PTPRT: variants seen among roughly 807,000 people sequenced by gnomAD.
The protein encoded by PTPRT is protein tyrosine phosphatase receptor type T, also known as receptor-type tyrosine-protein phosphatase T.
In PTPRT, 56 loss-of-function variants were observed where a neutral mutation model predicts 176.8. The ratio of observed to expected loss-of-function variants is 0.32; its 90% CI spans 0.26 to 0.40. The LOEUF (loss-of-function observed/expected upper bound fraction) is 0.40. PTPRT is among the 10% of genes least tolerant of loss of function. PTPRT has a pLI of 1.00. For missense variants in PTPRT, 1,540 were observed against 1,908.2 expected (o/e 0.81, Z 3.60); for synonymous variants, 783 against 739.0 (o/e 1.06, Z -0.96).
downstream of PTPRT, among the ~76,000 whole-genome samples, chr20:42,069,454 C>G (rs978825740): frequency 1.3e-5 from 2 of 152,122 alleles, no homozygotes; most frequent in African/African-American, 4.8e-5. Flanking sequence ...ATTTTCAAAC[C>G]TCTTGATCCA....
At position 42,086,645 on chromosome 20, in the gene PTPRT, G is replaced by A. The variant is rs1053957874; in HGVS notation, c.3847-792C>T. 1.2e-4 allele frequency among the ~76,000 whole-genome samples: 18 copies of A among 146,556 alleles called. No individual in the cohort carries two copies. In the South Asian group the frequency reaches 1.3e-3, roughly 11 times the overall value. On this transcript the variant is annotated intron_variant, in intron 27 of 30. Coordinates refer to ENST00000373187, the MANE Select transcript of PTPRT (RefSeq NM_007050.6). ...ATCAGAAGTAGTGTAAAAAATATAG[G>A]GGTTTCGGGAGGCGGAGCTTGCAGT... is the stretch of plus-strand genomic sequence containing the variant.
At chr20:42,155,964 A>C (rs1361899218) in intron 17 of PTPRT, among the ~76,000 whole-genome samples, 3 of 152,196 alleles carry the variant, frequency 2.0e-5, no homozygotes, top group Admixed American at 2.0e-4. Flanking sequence ...ACAAACACTC[A>C]TCTTTTGCTT....
intron 6 of PTPRT, among the ~76,000 whole-genome samples, chr20:42,726,652 A>C (rs889247065): frequency 1.3e-5 from 2 of 152,142 alleles, no homozygotes; most frequent in Non-Finnish European, 2.9e-5. Flanking sequence ...CAAAATGGGA[A>C]CACTATCTGG....
At chr20:42,621,231 C>A (rs1350865387) in intron 7 of PTPRT, among the ~76,000 whole-genome samples, 1 of 152,170 alleles carries the variant, frequency 6.6e-6, no homozygotes, top group Non-Finnish European at 1.5e-5. Context: ...TGCCCTCCAG[C>A]TCCTCGGGCC....
At chr20:42,151,472 T>G (rs1317644044) in intron 17 of PTPRT, among the ~76,000 whole-genome samples, 1 of 152,234 alleles carries the variant, frequency 6.6e-6, no homozygotes, top group Non-Finnish European at 1.5e-5. Context: ...GCAAAGGACA[T>G]GAACTCATTC....
At chr20:42,639,146 T>C (rs1310032587) in intron 7 of PTPRT, among the ~76,000 whole-genome samples, 3 of 152,200 alleles carry the variant, frequency 2.0e-5, no homozygotes, top group Non-Finnish European at 4.4e-5. Context: ...TGACCTCTTC[T>C]ACAAGGAGCC....
At chr20:42,393,430 C>T (rs919231219) in intron 9 of PTPRT, among the ~76,000 whole-genome samples, 1 of 152,062 alleles carries the variant, frequency 6.6e-6, no homozygotes, top group African/African-American at 2.4e-5. Context: ...TCAGATGAAC[C>T]AACCACGAAG....
intron 9 of PTPRT, among the ~76,000 whole-genome samples, chr20:42,382,029 A>G (rs1353659472): frequency 1.3e-5 from 2 of 152,216 alleles, no homozygotes; most frequent in Non-Finnish European, 2.9e-5. Flanking sequence ...AGATTCCATA[A>G]TACATTGCTA....
the PTPRT span, among the ~76,000 whole-genome samples, chr20:42,039,702 AGTAATG>A: frequency 4.2e-5 from 6 of 142,316 alleles, no homozygotes; most frequent in African/African-American, 7.6e-5. Context: ...GTATATATAT[AGTAATG>A]TATATTCCAT....
intron 1 of PTPRT, among the ~76,000 whole-genome samples, chr20:43,053,957 T>C (rs139095693): frequency 0.018 from 2,725 of 152,330 alleles, 36 homozygotes; most frequent in Non-Finnish European, 0.028. Context: ...ATAACTATTG[T>C]CTCAGATATT....
Position 42,421,778 on chromosome 20 carries a change from C to T in PTPRT, c.1560+26442G>A, listed in dbSNP as rs558702984. On this transcript the variant is annotated intron_variant, in intron 9 of 30. Transcript: ENST00000373187. ...CCAGCAAAAAGAACAAAGCTGGAGGCATTGCACTATCCAACTTCAAACTAT... is the reference window on the plus strand; with the variant it reads ...CCAGCAAAAAGAACAAAGCTGGAGGTATTGCACTATCCAACTTCAAACTAT... Among the ~76,000 whole-genome samples the T allele has an allele frequency of 3.3e-5, 5 of 152,228 alleles. No homozygotes were observed. In the South Asian group the frequency reaches 8.3e-4, roughly 25 times the overall value.
intron 27 of PTPRT, among the ~76,000 whole-genome samples, chr20:42,090,254 TTAG>T (rs1984468864): frequency 6.6e-6 from 1 of 151,838 alleles, no homozygotes; most frequent in African/African-American, 2.4e-5. Flanking sequence ...TTTCCTCCAC[TTAG>T]TAGCTTTTAT....
intron 15 of PTPRT, among the ~76,000 whole-genome samples, chr20:42,212,779 A>C (rs2055675701): frequency 6.6e-6 from 1 of 152,254 alleles, no homozygotes; most frequent in Admixed American, 6.5e-5. Context: ...TGGTATGATC[A>C]TATTTTAAAT....
intron 6 of PTPRT, among the ~76,000 whole-genome samples, chr20:42,709,549 T>C (rs760329548): frequency 3.9e-5 from 6 of 152,220 alleles, no homozygotes; most frequent in Non-Finnish European, 8.8e-5. Flanking sequence ...GTACAGCCTG[T>C]AGAACCATTA....
intron 11 of PTPRT, among the ~76,000 whole-genome samples, chr20:42,332,986 G>A (rs192323965): frequency 2.6e-5 from 4 of 152,278 alleles, no homozygotes; most frequent in East Asian, 3.9e-4. Flanking sequence ...AAATTTTAAC[G>A]TAAAAGAGTA....
chr20:42,842,274 CGAA>C (rs1380241386), intron 2 of PTPRT, among the ~76,000 whole-genome samples: 1 of 152,134 alleles, frequency 6.6e-6, no homozygotes, highest in Admixed American at 6.5e-5. Context: ...ACATGCAAAA[CGAA>C]GAAGAGTGCA....
intron 16 of PTPRT, among the ~76,000 whole-genome samples, chr20:42,162,395 G>C (rs1202059341): frequency 1.3e-5 from 2 of 152,150 alleles, no homozygotes; most frequent in Non-Finnish European, 2.9e-5. Flanking sequence ...ACTGCCTTCT[G>C]TCAGTTTGGT....
At chr20:42,366,127 C>A (rs921087155) in intron 9 of PTPRT, among the ~76,000 whole-genome samples, 2 of 152,316 alleles carry the variant, frequency 1.3e-5, no homozygotes, top group Middle Eastern at 3.4e-3. Context: ...GCAGCAGGGC[C>A]TTGTGGACCA....
the PTPRT span, among the ~76,000 whole-genome samples, chr20:42,043,507 C>T: frequency 2.4e-4 from 37 of 152,228 alleles, no homozygotes; most frequent in East Asian, 2.7e-3. Flanking sequence ...GTGAGTTCTC[C>T]GGTTCTCACT....
Sources: allele counts gnomAD v4.1 joint callset (sites outside exome capture counted in the v4.1 genomes callset), GRCh38; gene constraint gnomAD v4.1.1; transcripts MANE v1.5; gene names NCBI Gene and HGNC (gene_info 2026-07-23, HGNC 2026-07-21).